HS6ST2: variants seen among roughly 807,000 people sequenced by gnomAD.
HS6ST2 encodes the protein heparan-sulfate 6-O-sulfotransferase 2.
A neutral mutation model predicts 33.0 loss-of-function variants in HS6ST2; 17 were observed. The observed-to-expected ratio is 0.52, with a 90% CI of 0.35 to 0.77. The LOEUF is 0.77. HS6ST2 is among the 30% of genes least tolerant of loss of function. The pLI is 0.01. For missense variants in HS6ST2, 519 were observed against 551.7 expected, an observed-to-expected ratio of 0.94 and a Z score of 0.59; for synonymous variants, 248 against 237.1, an observed-to-expected ratio of 1.05 and a Z score of -0.42.
intron 2 of HS6ST2, among the ~76,000 whole-genome samples, chrX:132,892,352 T>C (rs150301954): frequency 0.013 from 1,467 of 111,999 alleles, 26 homozygotes; most frequent in African/African-American, 0.045. Flanking sequence ...CCTTGGAACT[T>C]GATAGAAACA....
chrX:132,759,129 A>G (rs2064783293), intron 2 of HS6ST2, among the ~76,000 whole-genome samples: 1 of 112,083 alleles, frequency 8.9e-6, no homozygotes, highest in Admixed American at 9.5e-5. Context: ...AAATGCAAAG[A>G]GGCTGACCTG....
intron 2 of HS6ST2, among the ~76,000 whole-genome samples, chrX:132,945,535 G>C (rs975297892): frequency 9.0e-6 from 1 of 110,858 alleles, no homozygotes; most frequent in African/African-American, 3.3e-5. Context: ...AAATCATGCT[G>C]CCATAAAGAC....
At chrX:132,719,879 A>G (rs1447882944) in intron 2 of HS6ST2, among the ~76,000 whole-genome samples, 2 of 111,967 alleles carry the variant, frequency 1.8e-5, no homozygotes, top group African/African-American at 3.2e-5. Flanking sequence ...TAGCTTGTCA[A>G]CTCCTTCGTA....
At chrX:132,750,621 A>C (rs757799341) in intron 2 of HS6ST2, among the ~76,000 whole-genome samples, 134 of 111,596 alleles carry the variant, frequency 1.2e-3, no homozygotes, top group Non-Finnish European at 1.8e-3. Flanking sequence ...AATCACGTGG[A>C]TATATATGTG....
intron 2 of HS6ST2, among the ~76,000 whole-genome samples, chrX:132,902,612 G>T (rs1435428716): frequency 8.9e-6 from 1 of 111,994 alleles, no homozygotes. Flanking sequence ...GAGGCTCATT[G>T]TATGTAGGGT....
intron 2 of HS6ST2, among the ~76,000 whole-genome samples, chrX:132,756,820 G>GGTGTGTGT (rs3065679): frequency 2.7e-3 from 262 of 97,325 alleles, no homozygotes; most frequent in East Asian, 9.9e-3. Context: ...CCCTGTGCAT[G>GGTGTGTGT]GTGTGTGTGT....
intron 2 of HS6ST2, among the ~76,000 whole-genome samples, chrX:132,861,905 T>A (rs1476087648): frequency 8.9e-6 from 1 of 112,434 alleles, no homozygotes; most frequent in Non-Finnish European, 1.9e-5. Context: ...AATCTGTAAT[T>A]TTTTCCTTCA....
At chrX:132,721,512 C>T (rs1224852425) in intron 2 of HS6ST2, among the ~76,000 whole-genome samples, 1 of 112,136 alleles carries the variant, frequency 8.9e-6, no homozygotes, top group Non-Finnish European at 1.9e-5. Context: ...GATCTAACTT[C>T]TTGCCATTTG....
intron 2 of HS6ST2, among the ~76,000 whole-genome samples, chrX:132,931,650 C>A (rs1228961948): frequency 9.0e-6 from 1 of 111,658 alleles, no homozygotes; most frequent in African/African-American, 3.3e-5. Flanking sequence ...AAAGGCAAGC[C>A]ATAAAACAGA....
intron 2 of HS6ST2, among the ~76,000 whole-genome samples, chrX:132,745,895 T>G (rs957166641): frequency 5.4e-5 from 6 of 112,073 alleles, no homozygotes; most frequent in Admixed American, 9.5e-5. Flanking sequence ...CTGGTATCAG[T>G]TTCTGTTTTT....
At chrX:132,711,696 A>G (rs1324458444) in intron 2 of HS6ST2, among the ~76,000 whole-genome samples, 2 of 112,139 alleles carry the variant, frequency 1.8e-5, no homozygotes, top group Non-Finnish European at 3.8e-5. Context: ...AAATGAGAGT[A>G]TGTCCAAAAT....
At chrX:132,690,640 T>G (rs2064056601) in intron 3 of HS6ST2, among the ~76,000 whole-genome samples, 1 of 112,123 alleles carries the variant, frequency 8.9e-6, no homozygotes, top group Non-Finnish European at 1.9e-5. Flanking sequence ...AGAAATCCAT[T>G]ATCAGCATTT....
intron 4 of HS6ST2, among the ~76,000 whole-genome samples, chrX:132,637,874 TAA>T (rs1491314880): frequency 0.021 from 859 of 41,543 alleles, 6 homozygotes; most frequent in Non-Finnish European, 0.025. Context: ...ATATTATATA[TAA>T]TATATATATA....
chrX:132,841,729 T>C (rs1198835664), intron 2 of HS6ST2, among the ~76,000 whole-genome samples: 1 of 112,357 alleles, frequency 8.9e-6, no homozygotes, highest in Non-Finnish European at 1.9e-5. Flanking sequence ...AGCATCATGT[T>C]TTATAAAGAC....
intron 2 of HS6ST2, among the ~76,000 whole-genome samples, chrX:132,938,292 G>A (rs1433593013): frequency 9.2e-6 from 1 of 108,462 alleles, no homozygotes; most frequent in Non-Finnish European, 1.9e-5. Context: ...CATCAAACTA[G>A]GAATAAGAGA....
chrX:132,858,590 GT>G (rs1455618464), intron 2 of HS6ST2, among the ~76,000 whole-genome samples: 1 of 111,825 alleles, frequency 8.9e-6, no homozygotes, highest in Admixed American at 9.5e-5. Context: ...TCTCGGGGAA[GT>G]TGAGAGTCTT....
intron 2 of HS6ST2, among the ~76,000 whole-genome samples, chrX:132,908,313 G>A (rs1302098938): frequency 8.9e-6 from 1 of 112,216 alleles, no homozygotes; most frequent in East Asian, 2.8e-4. Flanking sequence ...CATTGCTGGT[G>A]TAAATATAAA....
chrX:132,744,951 T>C (rs2064622452), intron 2 of HS6ST2, among the ~76,000 whole-genome samples: 1 of 112,389 alleles, frequency 8.9e-6, no homozygotes, highest in Non-Finnish European at 1.9e-5. Flanking sequence ...TTTTTTTGTT[T>C]GTTTGTTTTA....
chrX:132,630,433 A>G (rs1354359991), intron 4 of HS6ST2, among the ~76,000 whole-genome samples: 1 of 111,221 alleles, frequency 9.0e-6, no homozygotes, highest in Non-Finnish European at 1.9e-5. Flanking sequence ...CCATCACCTC[A>G]GGCATCCTGA....
Sources: gnomAD v4.1 joint callset for allele counts (sites outside exome capture counted in the v4.1 genomes callset) on GRCh38, gnomAD v4.1.1 for gene constraint, MANE v1.5 for transcripts, NCBI Gene and HGNC (gene_info 2026-07-23, HGNC 2026-07-21) for gene names.